The following ANO2 variants were observed in gnomAD, a reference collection of about 807,000 sequenced individuals.
ANO2 encodes the protein anoctamin 2.
In ANO2, 101 loss-of-function variants were observed where a neutral mutation model predicts 124.2. The ratio of observed to expected loss-of-function variants is 0.81; its 90% CI spans 0.69 to 0.96. The LOEUF (loss-of-function observed/expected upper bound fraction) is 0.96, where lower values mean the gene tolerates loss of function less well. Among genes scored for constraint, ANO2 ranks in the 40% least tolerant of loss-of-function variants. The pLI is 0.00. For synonymous variants in ANO2, 486 were observed against 482.5 expected (o/e 1.01, Z -0.09); for missense variants, 1,293 against 1,274.5 (o/e 1.01, Z -0.22).
chr12:5,909,557 C>T lies in ANO2; in HGVS notation c.534+11483G>A, dbSNP rs184041708. Among the ~76,000 whole-genome samples the T allele has an allele frequency of 1.4e-4, 22 of 152,276 alleles. No homozygotes were observed. The East Asian group carries it at 2.3e-3, about 16-fold the overall frequency. ...TGGCAGCAGACAAGGTCCTAGAACCCAGGTCTTCCAGTGCTCAGCTCCCTT... is the reference window on the plus strand; with the variant it reads ...TGGCAGCAGACAAGGTCCTAGAACCTAGGTCTTCCAGTGCTCAGCTCCCTT... On this transcript the variant is annotated intron_variant, in intron 3 of 24. Transcript: ENST00000682330.
intron 10 of ANO2, among the ~76,000 whole-genome samples, chr12:5,761,058 C>CAAAA (rs34278479): frequency 2.5e-5 from 3 of 120,920 alleles, no homozygotes; most frequent in Non-Finnish European, 5.2e-5. Flanking sequence ...ACCCCCACAG[C>CAAAA]AAAAAAAAAA....
chr12:5,771,786 A>T (rs1206352105), intron 10 of ANO2, among the ~76,000 whole-genome samples: 3 of 152,224 alleles, frequency 2.0e-5, no homozygotes, highest in African/African-American at 7.2e-5. Context: ...AAATAAAAAT[A>T]AAACAGAATT....
chr12:5,627,716 C>T (rs1051252331), intron 16 of ANO2, among the ~76,000 whole-genome samples: 8 of 152,328 alleles, frequency 5.3e-5, no homozygotes, highest in Middle Eastern at 6.8e-3. Context: ...CTTTTCCTTT[C>T]CTCCTGCTCT....
intron 14 of ANO2, among the ~76,000 whole-genome samples, chr12:5,661,965 C>T (rs957581366): frequency 8.5e-5 from 13 of 152,208 alleles, no homozygotes; most frequent in Admixed American, 2.0e-4. Flanking sequence ...ACACAGGATC[C>T]GCCATGTCAG....
chr12:5,689,311 G>T (rs903774557), intron 14 of ANO2, among the ~76,000 whole-genome samples: 1 of 151,492 alleles, frequency 6.6e-6, no homozygotes, highest in Admixed American at 6.6e-5. Context: ...AGGAGTTAGA[G>T]ATCATCAATG....
intron 20 of ANO2, among the ~76,000 whole-genome samples, chr12:5,599,000 T>C (rs1193814889): frequency 6.6e-6 from 1 of 152,228 alleles, no homozygotes; most frequent in African/African-American, 2.4e-5. Context: ...TTATCCAGCC[T>C]TATCTGATCA....
At chr12:5,914,476 G>A (rs768763483) in intron 3 of ANO2, among the ~76,000 whole-genome samples, 12 of 152,276 alleles carry the variant, frequency 7.9e-5, no homozygotes, top group Middle Eastern at 3.4e-3. Flanking sequence ...ACCTGATACC[G>A]AGACAGAGTA....
intron 3 of ANO2, among the ~76,000 whole-genome samples, chr12:5,876,089 A>G (rs1292466733): frequency 1.3e-5 from 2 of 152,172 alleles, no homozygotes; most frequent in South Asian, 2.1e-4. Context: ...CCAGCTGAGG[A>G]GGAAGGAAGC....
chr12:5,837,231 A>C (rs1954350392), intron 4 of ANO2, among the ~76,000 whole-genome samples: 1 of 141,922 alleles, frequency 7.0e-6, no homozygotes, highest in Non-Finnish European at 1.5e-5. Context: ...TGCAGCAACC[A>C]CGGGGCCAGG....
intron 11 of ANO2, among the ~76,000 whole-genome samples, chr12:5,747,023 T>C (rs1451062766): frequency 6.6e-6 from 1 of 152,184 alleles, no homozygotes; most frequent in Non-Finnish European, 1.5e-5. Context: ...GTTAAATTAC[T>C]GGGAATAAAA....
rs746722987 is a variant in ANO2, at chr12:5,599,510, C to T, written c.2207G>A (p.Gly736Glu). Residue 736 changes from glycine (G) to glutamate (E), a missense_variant, in exon 20 of 25, where the codon GGA becomes GAA. By Grantham distance (98) the Gly-to-Glu change is moderately conservative. Transcript: ENST00000682330. ...CATTTCCATGTACTCCGGAGTCAGT[C>T]CTGTGTATGGTTCCAAGCTGTAGTC... Reference protein sequence around the residue: ...DLDYSLEPYTGLTPEYMEMII... With the variant: ...DLDYSLEPYTELTPEYMEMII... 2 of 1,611,938 alleles carry T rather than the reference C, an allele frequency of 1.2e-6. No homozygotes were observed. The highest frequency in any genetic ancestry group is 1.7e-6 in the Non-Finnish European group (2 of 1,179,478).
intron 14 of ANO2, among the ~76,000 whole-genome samples, chr12:5,724,198 C>A (rs1950343560): frequency 6.6e-6 from 1 of 152,150 alleles, no homozygotes; most frequent in South Asian, 2.1e-4. Context: ...TCTTTTACTA[C>A]AAGAATCTCT....
At chr12:5,825,323 A>G (rs375582030) in intron 7 of ANO2, among the ~76,000 whole-genome samples, 3 of 152,288 alleles carry the variant, frequency 2.0e-5, no homozygotes, top group East Asian at 3.9e-4. Flanking sequence ...GGCTGGGACA[A>G]AGTTCCCCAG....
intron 4 of ANO2, among the ~76,000 whole-genome samples, chr12:5,847,723 C>T (rs1455950612): frequency 6.6e-6 from 1 of 152,136 alleles, no homozygotes; most frequent in Non-Finnish European, 1.5e-5. Context: ...ATGGAATTAC[C>T]TTTCCCTCCT....
In ANO2 at chr12:5,609,895, T is replaced by G. The variant is rs558962447; in HGVS notation, c.2087+2761A>C. On this transcript the variant is annotated intron_variant, in intron 19 of 24. Coordinates refer to ENST00000682330, the MANE Select transcript of ANO2 (RefSeq NM_001364791.2). ...TATATATATATATATGTTTTATACA[T>G]ATAAAAATTTGTATATAAATTTATA... Among the ~76,000 whole-genome samples, 11 of 147,310 alleles carry G rather than the reference T, an allele frequency of 7.5e-5. 1 individual carries two copies. The East Asian group carries it at 1.2e-3, about 16-fold the overall frequency.
chr12:5,674,141 T>G (rs1212062195), intron 14 of ANO2, among the ~76,000 whole-genome samples: 2 of 152,164 alleles, frequency 1.3e-5, no homozygotes, highest in African/African-American at 4.8e-5. Flanking sequence ...TAGCTAAGAT[T>G]CCAAAAGTGA....
intron 4 of ANO2, among the ~76,000 whole-genome samples, chr12:5,834,195 A>G (rs1463855242): frequency 6.6e-6 from 1 of 152,216 alleles, no homozygotes; most frequent in Non-Finnish European, 1.5e-5. Context: ...ATGAGATAAA[A>G]TGAAATGACT....
chr12:5,698,890 T>C (rs1326330503), intron 14 of ANO2, among the ~76,000 whole-genome samples: 6 of 152,054 alleles, frequency 3.9e-5, no homozygotes, highest in South Asian at 2.1e-4. Context: ...AAGAGAAGTT[T>C]AGAGAAAAAA....
chr12:5,804,473 T>C (rs1222711777), intron 9 of ANO2, among the ~76,000 whole-genome samples: 1 of 152,210 alleles, frequency 6.6e-6, no homozygotes, highest in Non-Finnish European at 1.5e-5. Context: ...AGGGTCATCT[T>C]GTCCTTCAAA....
Sources: allele counts gnomAD v4.1 joint callset (sites outside exome capture counted in the v4.1 genomes callset), GRCh38; gene constraint gnomAD v4.1.1; transcripts MANE v1.5; gene names NCBI Gene and HGNC (gene_info 2026-07-23, HGNC 2026-07-21).